The following BANP variants were observed in gnomAD, a reference collection of about 807,000 sequenced individuals.
BANP encodes BTG3 associated nuclear protein.
Under a neutral mutation model 68.1 loss-of-function variants are expected in BANP, and 11 were observed. The observed-to-expected ratio is 0.16, with a 90% CI of 0.10 to 0.27. The LOEUF is 0.27. Ranked by LOEUF, BANP falls within the 10% of genes least tolerant of loss-of-function variation. The pLI is 1.00. For missense variants in BANP, 504 were observed against 722.7 expected, an observed-to-expected ratio of 0.70 and a Z score of 3.47; for synonymous variants, 329 against 303.2, an observed-to-expected ratio of 1.09 and a Z score of -0.88.
intron 13 of BANP, among the ~76,000 whole-genome samples, chr16:88,075,445 G>A (rs192840732): frequency 7.2e-5 from 11 of 152,180 alleles, no homozygotes; most frequent in African/African-American, 9.7e-5. Context: ...CGAGGCGGCC[G>A]TGAGGTGTGC....
intron 11 of BANP, among the ~76,000 whole-genome samples, chr16:88,041,244 A>G (rs1386214242): frequency 6.6e-6 from 1 of 151,950 alleles, no homozygotes; most frequent in Non-Finnish European, 1.5e-5. Context: ...CCACGGAGGG[A>G]GGGTTGTGCG....
At position 88,018,400 on chromosome 16, in the gene BANP, A is replaced by G. The variant is rs2075100536; in HGVS notation, c.656-28A>G. On this transcript the variant is annotated intron_variant, in intron 6 of 13. Coordinates refer to ENST00000682872, the MANE Select transcript of BANP (RefSeq NM_001386991.1). The surrounding 1 kb of genome is among the most constrained non-coding windows in gnomAD (Gnocchi z 7.7). ...ATGTGAGCTTATTTGAGCCTTGGCC[A>G]TCTGAGGACCTGTCTTCTGTTTTTC... is the stretch of plus-strand genomic sequence containing the variant. 6.3e-7 allele frequency: 1 copy of G among 1,597,012 alleles called. No individual in the cohort carries two copies.
chr16:88,004,417 T>C lies in BANP; in HGVS notation c.479+6T>C. On this transcript the variant is annotated splice_donor_region_variant and intron_variant, in intron 5 of 13. Coordinates refer to ENST00000682872, the MANE Select transcript of BANP (RefSeq NM_001386991.1). This position sits in a 1 kb window ranked among gnomAD's most constrained non-coding sequence, Gnocchi z 7.0. ...CTGGAAAATGTCATTAGCAAGTCAG[T>C]AGCACGGCACCAACCCCACCTTTCC... 1 of 1,463,398 alleles carries C rather than the reference T, an allele frequency of 6.8e-7. No individual in the cohort carries two copies. The highest frequency in any genetic ancestry group is 9.3e-7 in the Non-Finnish European group (1 of 1,073,256). The allele number at this position is 1,463,398 out of a possible 1,614,324, so 90.7% of individuals were successfully genotyped here.
intron 11 of BANP, among the ~76,000 whole-genome samples, chr16:88,042,461 A>C (rs11117351): frequency 2.3e-3 from 347 of 152,336 alleles, no homozygotes; most frequent in South Asian, 6.8e-3. Context: ...CTGCCCAGCC[A>C]TGATGACCAG....
intron 1 of BANP, among the ~76,000 whole-genome samples, chr16:87,960,743 ATTAT>A (rs1248369068): frequency 6.6e-6 from 1 of 152,178 alleles, no homozygotes; most frequent in South Asian, 2.1e-4. Context: ...TTGTTGAGGG[ATTAT>A]TTGAGTTGTA....
chr16:88,003,381 G>T lies in BANP; in HGVS notation c.363-914G>T. On this transcript the variant is annotated intron_variant, in intron 4 of 13. Coordinates refer to ENST00000682872, the MANE Select transcript of BANP (RefSeq NM_001386991.1). This position sits in a 1 kb window ranked among gnomAD's most constrained non-coding sequence, Gnocchi z 6.1. Reference sequence around the variant, plus strand: ...CTATGTGCAGATCACAGAAAGGCAGGCTTCCCAGGTTGGTTTTTGGAGAGT... The same window carrying T: ...CTATGTGCAGATCACAGAAAGGCAGTCTTCCCAGGTTGGTTTTTGGAGAGT... The T allele has an allele frequency of 4.4e-6, 2 of 452,870 alleles. No homozygotes were observed. Among genetic ancestry groups the T allele is most frequent in the Middle Eastern group, 6.5e-4 (2 of 3,060 alleles). 28.1% of individuals were successfully genotyped at this position (452,870 alleles called of 1,614,324 possible). A position where few individuals can be genotyped will look rare whatever the true frequency, so the allele number is the denominator to read the frequency against.
At chr16:88,024,009 C>T (rs2076501534) in intron 7 of BANP, among the ~76,000 whole-genome samples, 1 of 152,164 alleles carries the variant, frequency 6.6e-6, no homozygotes. Context: ...TCCCGTGAGC[C>T]TCAGCAGCCG....
In BANP at chr16:88,071,734, G is replaced by A. The variant is rs1254451915; in HGVS notation, c.1378-335G>A. On this transcript the variant is annotated intron_variant, in intron 12 of 13. Coordinates refer to ENST00000682872, the MANE Select transcript of BANP (RefSeq NM_001386991.1). This position sits in a 1 kb window ranked among gnomAD's most constrained non-coding sequence, Gnocchi z 6.5. Reference sequence around the variant, plus strand: ...TCATGGTTGCCACTGGGATTTTCCAGGAGGCTCTGTGGCATTTGCTGTTGC... The same window carrying A: ...TCATGGTTGCCACTGGGATTTTCCAAGAGGCTCTGTGGCATTTGCTGTTGC... 1 of 549,776 alleles carries A rather than the reference G, an allele frequency of 1.8e-6. No homozygotes were observed. Among genetic ancestry groups the A allele is most frequent in the Non-Finnish European group, 3.5e-6 (1 of 287,586 alleles). 34.1% of individuals were successfully genotyped at this position (549,776 alleles called of 1,614,324 possible).
At chr16:87,994,207 A>G (rs572145504) in intron 4 of BANP, among the ~76,000 whole-genome samples, 27 of 152,358 alleles carry the variant, frequency 1.8e-4, no homozygotes, top group African/African-American at 5.3e-4. Flanking sequence ...GTGCCGTTGC[A>G]GAGTGCTGAC....
intron 1 of BANP, among the ~76,000 whole-genome samples, chr16:87,968,368 T>C (rs12919537): frequency 0.41 from 62,246 of 151,272 alleles, 13,731 homozygotes; most frequent in African/African-American, 0.46. Context: ...CCTGTAGTCT[T>C]AGCTACTCAG....
chr16:88,074,882 C>G (rs866079319), intron 13 of BANP, among the ~76,000 whole-genome samples: 1 of 152,142 alleles, frequency 6.6e-6, no homozygotes, highest in Non-Finnish European at 1.5e-5. Flanking sequence ...AACAGTATAT[C>G]GAGTGTCATT....
intron 9 of BANP, among the ~76,000 whole-genome samples, chr16:88,033,781 C>T (rs1048639889): frequency 2.6e-5 from 4 of 152,232 alleles, no homozygotes; most frequent in Non-Finnish European, 5.9e-5. Flanking sequence ...GCGGAGTTCT[C>T]TATTGGGGTT....
At chr16:87,984,414 G>C (rs1453158429) in intron 4 of BANP, among the ~76,000 whole-genome samples, 155 bp downstream of exon 4, 2 of 152,234 alleles carry the variant, frequency 1.3e-5, no homozygotes, top group African/African-American at 2.4e-5. Context: ...CTGACTTTTA[G>C]TTAGACCGAA....
intron 1 of BANP, among the ~76,000 whole-genome samples, chr16:87,961,001 C>G (rs2059019113): frequency 6.6e-6 from 1 of 152,170 alleles, no homozygotes; most frequent in South Asian, 2.1e-4. Flanking sequence ...GAACCGTATG[C>G]TTTTGATATT....
intron 11 of BANP, among the ~76,000 whole-genome samples, chr16:88,061,920 A>G (rs770043628): frequency 6.6e-6 from 1 of 152,098 alleles, no homozygotes; most frequent in Non-Finnish European, 1.5e-5. Context: ...CGGCCTCCCA[A>G]AGTGCTAGGA....
intron 2 of BANP, among the ~76,000 whole-genome samples, chr16:87,976,976 TTC>T (rs1219323223): frequency 6.6e-6 from 1 of 152,244 alleles, no homozygotes; most frequent in Non-Finnish European, 1.5e-5. Flanking sequence ...ACCATTAAAG[TTC>T]TGACAGCCTA....
rs1314314866 is a variant in BANP at position 88,011,883 on chromosome 16, T to C, written c.655+5618T>C. ...CAAATATTCATTAAGCATCCACTAG[T>C]ACCTGATGGGAATGGAGGTTCTTTT... On this transcript the variant is annotated intron_variant, in intron 6 of 13. Coordinates refer to ENST00000682872, the MANE Select transcript of BANP (RefSeq NM_001386991.1). 5.3e-5 allele frequency among the ~76,000 whole-genome samples: 8 copies of C among 152,154 alleles called. No individual in the cohort carries two copies. In the South Asian group the frequency reaches 1.2e-3, roughly 24 times the overall value.
chr16:87,965,140 G>A (rs2059806665), intron 1 of BANP, among the ~76,000 whole-genome samples: 1 of 152,214 alleles, frequency 6.6e-6, no homozygotes, highest in Admixed American at 6.5e-5. Context: ...GGAAGTGGAT[G>A]TGGGACCAGC....
chr16:88,035,107 G>C, intron 9 of BANP: 1 of 561,252 alleles, frequency 1.8e-6, no homozygotes, highest in Admixed American at 3.1e-5. Context: ...GTGGGGGTAG[G>C]GGGTGCTTCT....
Sources: gnomAD v4.1 joint callset for allele counts (sites outside exome capture counted in the v4.1 genomes callset) on GRCh38, gnomAD v4.1.1 for gene constraint, Gnocchi (gnomAD v3.1) non-coding constraint, MANE v1.5 for transcripts, NCBI Gene and HGNC (gene_info 2026-07-23, HGNC 2026-07-21) for gene names.